NIPSNAP3A: variants seen among roughly 807,000 people sequenced by gnomAD.
NIPSNAP3A encodes nipsnap homolog 3A.
Under a neutral mutation model 32.3 loss-of-function variants are expected in NIPSNAP3A, and 27 were observed. The observed-to-expected ratio is 0.84, with a 90% CI of 0.62 to 1.15. The LOEUF (loss-of-function observed/expected upper bound fraction) is 1.15. Among genes scored for constraint, NIPSNAP3A ranks in the 50% most tolerant of loss-of-function variants. The pLI is 0.00. For missense variants in NIPSNAP3A, 278 were observed against 297.2 expected, an observed-to-expected ratio of 0.94 and a Z score of 0.48; for synonymous variants, 108 against 107.3, an observed-to-expected ratio of 1.01 and a Z score of -0.04.
At position 104,759,298 on chromosome 9, in the gene NIPSNAP3A, A is replaced by G; in HGVS notation, c.704A>G (p.Asn235Ser). 6.2e-7 allele frequency: 1 copy of G among 1,614,072 alleles called. No individual in the cohort carries two copies. Among genetic ancestry groups the G allele is most frequent in the Non-Finnish European group, 8.5e-7 (1 of 1,180,028 alleles). ...ESVNYLVSQQ[N>S]MLLIPTSFSP... ...GTCAACTACCTAGTATCTCAGCAGA[A>G]TATGCTTCTGATTCCTACATCGTTT... is the stretch of plus-strand genomic sequence containing the variant. Residue 235 changes from asparagine (N) to serine (S), a missense_variant, in exon 6 of 6, where the codon AAT (asparagine) becomes AGT (serine). By Grantham distance (46) the Asn-to-Ser change is conservative. Transcript: ENST00000374767.
At chr9:104,758,971 C>CAAAAAA (rs34457398) in intron 4 of NIPSNAP3A, 114 bp from the exon 5 acceptor site, 330 of 402,104 alleles carry the variant, frequency 8.2e-4, no homozygotes, top group South Asian at 1.4e-3. Flanking sequence ...ACTCTTGTTT[C>CAAAAAA]AAAAAAAAAA....
intron 1 of NIPSNAP3A, 120 bp downstream of exon 1, chr9:104,747,972 G>T: frequency 9.8e-7 from 1 of 1,019,822 alleles, no homozygotes; most frequent in Non-Finnish European, 1.4e-6. Context: ...CCCAGACCTG[G>T]GGCCCCGGTG....
intron 4 of NIPSNAP3A, among the ~76,000 whole-genome samples, chr9:104,758,005 A>G (rs1190207298): frequency 6.6e-6 from 1 of 152,172 alleles, no homozygotes; most frequent in Non-Finnish European, 1.5e-5. Flanking sequence ...GTTTGTTTTT[A>G]ATCTGCATTT....
At chr9:104,748,104 G>A (rs761814930) in intron 1 of NIPSNAP3A, among the ~76,000 whole-genome samples, 1 of 151,590 alleles carries the variant, frequency 6.6e-6, no homozygotes, top group African/African-American at 2.4e-5. Context: ...TGGTCAGAAG[G>A]CTTTTCTAGC....
Position 104,747,823 on chromosome 9 carries a change from GCGCTGGCCTCACGGA to G in NIPSNAP3A, c.39_53del (p.Ser14_Ala18del), listed in dbSNP as rs757425891. ...CGTCCTCAGAAGCGCCCTGACTCGGGCGCTGGCCTCACGGACGCTGGCGCCTCAGGTACCGGCCAC... is the reference window on the plus strand; with the variant it reads ...CGTCCTCAGAAGCGCCCTGACTCGGGCGCTGGCGCCTCAGGTACCGGCCAC... On this transcript the variant is annotated inframe_deletion, in exon 1 of 6. Coordinates refer to ENST00000374767, the MANE Select transcript of NIPSNAP3A (RefSeq NM_015469.3). The G allele has an allele frequency of 1.3e-5, 21 of 1,608,878 alleles. No homozygotes were observed. The highest frequency in any genetic ancestry group is 3.4e-5 in the Admixed American group (2 of 59,662).
At chr9:104,759,234 T>C in intron 5 of NIPSNAP3A, 28 bp from the exon 6 acceptor site, 2 of 1,614,072 alleles carry the variant, frequency 1.2e-6, no homozygotes, top group Non-Finnish European at 8.5e-7. Flanking sequence ...AGTAACTCTA[T>C]ATGCCTTTCT....
rs1827844265 is a variant in NIPSNAP3A at position 104,751,120 on chromosome 9, A to G, written c.225A>G (p.Val75=). 1.5e-5 allele frequency: 25 copies of G among 1,613,956 alleles called. No individual in the cohort carries two copies. In the East Asian group the frequency reaches 5.6e-4, roughly 36 times the overall value. Residue 75 remains valine (V), a synonymous_variant, in exon 2 of 6, where the codon GTA becomes GTG. Coordinates refer to ENST00000374767, the MANE Select transcript of NIPSNAP3A (RefSeq NM_015469.3). The part of the protein sequence containing the change: ...AHSELVGYWS[V]EFGGRMNTVF... ...CTGAATTGGTTGGATACTGGAGTGT[A>G]GAATTTGGAGGCAGAATGAATACAG...
chr9:104,759,141 T>C lies in NIPSNAP3A; in HGVS notation c.637T>C (p.Ser213Pro), dbSNP rs140664132. ...TAGTCGTGCAGCTGGGAGACATAAG[T>C]CCCATGAGGATCCCAGAGTTGTGGC... is the stretch of plus-strand genomic sequence containing the variant. ...ADSRAAGRHK[S>P]HEDPRVVAAV... The change falls in exon 5 of 6, where the codon TCC becomes CCC. Residue 213 changes from serine (S) to proline (P), a missense_variant. Transcript: ENST00000374767. The C allele has an allele frequency of 1.5e-5, 25 of 1,613,508 alleles. No homozygotes were observed. In the African/African-American group the frequency reaches 2.0e-4, roughly 13 times the overall value.
At position 104,747,760 on chromosome 9, in the gene NIPSNAP3A, G is replaced by A. The variant is rs1324843015; in HGVS notation, c.-33G>A. The A allele has an allele frequency of 3.1e-6, 5 of 1,596,920 alleles. No individual in the cohort carries two copies. The highest frequency in any genetic ancestry group is 3.4e-6 in the Non-Finnish European group (4 of 1,172,168). ...TCAGAGGAGTCTCAGAAAGGACACG[G>A]CTGGCTGCTTTTCTCAGCGCCGAAG... On this transcript the variant is annotated 5_prime_UTR_variant, in exon 1 of 6. Transcript: ENST00000374767.
Position 104,754,596 on chromosome 9 carries a change from C to G in NIPSNAP3A, c.476C>G (p.Ala159Gly). Reference sequence around the variant, plus strand: ...TTTCAGATGAAACCTGGTGGGCCAGCTCTGTGGGGTGATGCATTTAAAAGG... The same window carrying G: ...TTTCAGATGAAACCTGGTGGGCCAGGTCTGTGGGGTGATGCATTTAAAAGG... ...ATFQMKPGGP[A>G]LWGDAFKRAV... Residue 159 changes from alanine (A) to glycine (G), a missense_variant, in exon 4 of 6, where the codon GCT (alanine) becomes GGT (glycine). By Grantham distance (60) the Ala-to-Gly change is moderately conservative. Coordinates refer to ENST00000374767, the MANE Select transcript of NIPSNAP3A (RefSeq NM_015469.3). 6.2e-7 allele frequency: 1 copy of G among 1,614,002 alleles called. No homozygotes were observed. The highest frequency in any genetic ancestry group is 8.5e-7 in the Non-Finnish European group (1 of 1,179,926).
chr9:104,748,954 T>A (rs987649438), intron 1 of NIPSNAP3A, among the ~76,000 whole-genome samples: 2 of 152,116 alleles, frequency 1.3e-5, no homozygotes, highest in Admixed American at 1.3e-4. Flanking sequence ...ACAAAATTCT[T>A]AACTCCCATC....
At position 104,759,415 on chromosome 9, in the gene NIPSNAP3A, G is replaced by A. The variant is rs1476189446; in HGVS notation, c.*77G>A. The A allele has an allele frequency of 7.1e-7, 1 of 1,417,908 alleles. No individual in the cohort carries two copies. The highest frequency in any genetic ancestry group is 1.4e-5 in the African/African-American group (1 of 70,876). 87.8% of individuals were successfully genotyped at this position (1,417,908 alleles called of 1,614,324 possible). A position where few individuals can be genotyped will look rare whatever the true frequency, so the allele number is the denominator to read the frequency against. ...TAATGGTGCTTAAATTCTCCCAAGA[G>A]GTTCTCACTTTTATTTGAAGGAGGT... On this transcript the variant is annotated 3_prime_UTR_variant, in exon 6 of 6. Coordinates refer to ENST00000374767, the MANE Select transcript of NIPSNAP3A (RefSeq NM_015469.3).
At chr9:104,747,983 A>G in intron 1 of NIPSNAP3A, 131 bp downstream of exon 1, 1 of 796,214 alleles carries the variant, frequency 1.3e-6, no homozygotes, top group Non-Finnish European at 1.9e-6. Flanking sequence ...GGCCCCGGTG[A>G]GGTTCTAGCG....
At chr9:104,749,297 A>G (rs2118747393) in intron 1 of NIPSNAP3A, among the ~76,000 whole-genome samples, 1 of 152,318 alleles carries the variant, frequency 6.6e-6, no homozygotes, top group Admixed American at 6.5e-5. Flanking sequence ...CACAAAAGGC[A>G]GGGGCAGCTG....
intron 1 of NIPSNAP3A, among the ~76,000 whole-genome samples, chr9:104,749,434 AAACAAAAATAT>A (rs1339518493): frequency 6.6e-6 from 1 of 152,248 alleles, no homozygotes; most frequent in Non-Finnish European, 1.5e-5. Flanking sequence ...TGTATTTTGT[AAACAAAAATAT>A]GTCGGAGCAA....
rs1827949466 is a variant in NIPSNAP3A, at chr9:104,759,599, T to C, written c.*261T>C. 2 of 451,344 alleles carry C rather than the reference T, an allele frequency of 4.4e-6. No homozygotes were observed. Among genetic ancestry groups the C allele is most frequent in the Middle Eastern group, 6.4e-4 (1 of 1,554 alleles). 28.0% of individuals were successfully genotyped at this position (451,344 alleles called of 1,614,324 possible). ...CTGTTTTAAGATCTTGACTCTTCAT[T>C]TGTTTCAGAATAGCTCTTCTACTGT... On this transcript the variant is annotated 3_prime_UTR_variant, in exon 6 of 6. Transcript: ENST00000374767.
chr9:104,752,820 C>A, intron 2 of NIPSNAP3A, 86 bp from the exon 3 acceptor site: 2 of 1,091,008 alleles, frequency 1.8e-6, no homozygotes, highest in South Asian at 1.3e-5. Context: ...GCATCAATGA[C>A]CATTGCTGAT....
intron 4 of NIPSNAP3A, among the ~76,000 whole-genome samples, chr9:104,755,021 C>T (rs1827889879): frequency 1.3e-5 from 2 of 151,934 alleles, no homozygotes; most frequent in Non-Finnish European, 2.9e-5. Context: ...GGGTGGATCA[C>T]CTGAGGTCAG....
At chr9:104,749,317 T>C (rs1440440309) in intron 1 of NIPSNAP3A, among the ~76,000 whole-genome samples, 1 of 152,194 alleles carries the variant, frequency 6.6e-6, no homozygotes, top group Non-Finnish European at 1.5e-5. Context: ...GCAGCTGTTT[T>C]TGTTGGTAGG....
Sources: gnomAD v4.1 joint callset for allele counts (sites outside exome capture counted in the v4.1 genomes callset) on GRCh38, gnomAD v4.1.1 for gene constraint, MANE v1.5 for transcripts, NCBI Gene and HGNC (gene_info 2026-07-23, HGNC 2026-07-21) for gene names.